CELSR3: variants seen among roughly 807,000 people sequenced by gnomAD.
CELSR3 encodes cadherin EGF LAG seven-pass G-type receptor 3, also known as EGF-like protein 1.
In CELSR3, 73 loss-of-function variants were observed where a neutral mutation model predicts 270.0. That is an observed-to-expected ratio of 0.27 (90% CI 0.22 to 0.33). CELSR3 has a LOEUF of 0.33. CELSR3 is among the 10% of genes least tolerant of loss of function. The pLI, the probability that CELSR3 is intolerant of heterozygous loss-of-function variation, is 1.00. For missense variants in CELSR3, 3,614 were observed against 4,533.8 expected (o/e 0.80, Z 5.83); for synonymous variants, 1,780 against 1,905.4 (o/e 0.93, Z 1.71).
rs114411876 is a variant in CELSR3, at chr3:48,639,709, C to A, written c.9876G>T (p.Thr3292=). The change falls in exon 34 of 35, where the codon ACG becomes ACT. Residue 3292 remains threonine (T), a synonymous_variant. Coordinates refer to ENST00000164024, the MANE Select transcript of CELSR3 (RefSeq NM_001407.3). This position sits in a 1 kb window ranked among gnomAD's most constrained non-coding sequence, Gnocchi z 4.1. ...VLGPSTPRSA[T]SHSISELSPD... ...GCGACAGCTCCGAGATGCTGTGAGA[C>A]GTGGCAGAACGTGGCGTGGAGGGCC... 1 of 1,613,434 alleles carries A rather than the reference C, an allele frequency of 6.2e-7. No homozygotes were observed. Among genetic ancestry groups the A allele is most frequent in the Non-Finnish European group, 8.5e-7 (1 of 1,179,950 alleles).
At position 48,647,849 on chromosome 3, in the gene CELSR3, G is replaced by A; in HGVS notation, c.7121C>T (p.Pro2374Leu). ...CCCCTAGGGGCTCTCACCTTCAGAT[G>A]GGGATGGCCGTGGGGACTGGGAAGG... ...LLPSQSPRPS[P>L]SEVLPTSSSI... is the part of the protein sequence containing the mutation. The change falls in exon 20 of 35, where the codon CCA becomes CTA. Residue 2374 changes from proline to leucine, a missense_variant. Coordinates refer to ENST00000164024, the MANE Select transcript of CELSR3 (RefSeq NM_001407.3). 7.5e-6 allele frequency: 12 copies of A among 1,609,684 alleles called. No individual in the cohort carries two copies. Among genetic ancestry groups the A allele is most frequent in the Non-Finnish European group, 1.0e-5 (12 of 1,179,354 alleles).
At chr3:48,643,885 T>TG (rs1193860422) in intron 27 of CELSR3, 2 of 617,460 alleles carry the variant, frequency 3.2e-6, no homozygotes, top group Non-Finnish European at 2.8e-6. Context: ...TGAGGACACG[T>TG]GGGGAAAACA....
Position 48,639,949 on chromosome 3 carries a change from G to C in CELSR3, c.9636C>G (p.Pro3212=), listed in dbSNP as rs1273363567. The C allele has an allele frequency of 6.2e-7, 1 of 1,612,910 alleles. No individual in the cohort carries two copies. The highest frequency in any genetic ancestry group is 8.5e-7 in the Non-Finnish European group (1 of 1,180,014). The change falls in exon 34 of 35, where the codon CCC becomes CCG. Residue 3212 remains proline, a synonymous_variant. Transcript: ENST00000164024. This position sits in a 1 kb window ranked among gnomAD's most constrained non-coding sequence, Gnocchi z 4.1. The part of the protein sequence containing the change: ...EQLDQVPSRH[P]SREALGPLPQ... ...GGAGTGGCCCAAGGGCTTCTCGTGA[G>C]GGGTGCCGGCTAGGCACCTGGTCCA...
rs1486524762 is a variant in CELSR3 at position 48,661,992 on chromosome 3, C to T, written c.643G>A (p.Gly215Ser). 20 of 1,614,056 alleles carry T rather than the reference C, an allele frequency of 1.2e-5. No homozygotes were observed. Among genetic ancestry groups the T allele is most frequent in the Admixed American group, 1.7e-5 (1 of 60,034 alleles). ...GATGTCGTGGCTCTCTCGCCCTGAC[C>T]CTTGCTCCCTGTTGCCCATAATTCC... Reference protein sequence around the residue: ...CGELWATGSKGQGERATTSGA... With the variant: ...CGELWATGSKSQGERATTSGA... Residue 215 changes from glycine (G) to serine (S), a missense_variant, in exon 1 of 35, where the codon GGT becomes AGT. Physicochemically the swap from Gly to Ser is moderately conservative, Grantham distance 56. Transcript: ENST00000164024.
chr3:48,646,306 C>T lies in CELSR3; in HGVS notation c.7296-49G>A, dbSNP rs555116014. On this transcript the variant is annotated intron_variant, in intron 21 of 34. Coordinates refer to ENST00000164024, the MANE Select transcript of CELSR3 (RefSeq NM_001407.3). This position sits in a 1 kb window ranked among gnomAD's most constrained non-coding sequence, Gnocchi z 4.8. ...TACGCACTGCTGACCTCCCCATGCT[C>T]AGCCTGCTTGCCTCACCCCGTCTTC... 2.1e-5 allele frequency: 33 copies of T among 1,559,960 alleles called. No homozygotes were observed. In the South Asian group the frequency reaches 3.4e-4, roughly 16 times the overall value.
rs748066878 is a variant in CELSR3, at chr3:48,659,794, C to T, written c.2841G>A (p.Val947=). 2 of 1,614,236 alleles carry T rather than the reference C, an allele frequency of 1.2e-6. No individual in the cohort carries two copies. Among genetic ancestry groups the T allele is most frequent in the Non-Finnish European group, 1.7e-6 (2 of 1,180,034 alleles). ...GIPQKADTTY[V]EVMVNDVNDN... Reference sequence around the variant, plus strand: ...CATTCACGTCATTGACCATCACCTCCACATAAGTAGTGTCTGCCTTCTGTG... The same window carrying T: ...CATTCACGTCATTGACCATCACCTCTACATAAGTAGTGTCTGCCTTCTGTG... The change falls in exon 1 of 35, where the codon GTG becomes GTA. Residue 947 remains valine, a synonymous_variant. Coordinates refer to ENST00000164024, the MANE Select transcript of CELSR3 (RefSeq NM_001407.3). This position sits in a 1 kb window ranked among gnomAD's most constrained non-coding sequence, Gnocchi z 8.1.
chr3:48,650,931 C>A lies in CELSR3; in HGVS notation c.6331G>T (p.Asp2111Tyr). 6.2e-7 allele frequency: 1 copy of A among 1,611,456 alleles called. No individual in the cohort carries two copies. The highest frequency in any genetic ancestry group is 8.5e-7 in the Non-Finnish European group (1 of 1,179,816). Residue 2111 changes from aspartate (D) to tyrosine (Y), a missense_variant, in exon 15 of 35, where the codon GAC becomes TAC. Physicochemically the swap from Asp to Tyr is radical, Grantham distance 160. Coordinates refer to ENST00000164024, the MANE Select transcript of CELSR3 (RefSeq NM_001407.3). This position sits in a 1 kb window ranked among gnomAD's most constrained non-coding sequence, Gnocchi z 5.1. ...GALGRQCNSCDSPFAEVTASG... is the reference protein window; with the variant it reads ...GALGRQCNSCYSPFAEVTASG... ...GCTGTCACCTCTGCGAAGGGACTGT[C>A]ACAGCTGTTGCACTGGCGGCCAAGG...
Position 48,651,637 on chromosome 3 carries a change from G to A in CELSR3, c.6005C>T (p.Ala2002Val), listed in dbSNP as rs763852212. Residue 2002 changes from alanine to valine, a missense_variant, in exon 13 of 35, where the codon GCC becomes GTC. This residue lies in a region of CELSR3 where 1,331 missense variants were observed against 1,933.7 expected (regional missense o/e 0.69). Transcript: ENST00000164024. This position sits in a 1 kb window ranked among gnomAD's most constrained non-coding sequence, Gnocchi z 7.4. ...NQGSCRHLPG[A>V]PHGYTCDCVG... ...ACAGTCACAGGTATAGCCATGGGGG[G>A]CTCCTGGCAGGTGCCGGCATGATCC... 6.9e-6 allele frequency: 11 copies of A among 1,591,668 alleles called. No homozygotes were observed. The highest frequency in any genetic ancestry group is 1.1e-5 in the South Asian group (1 of 88,046).
chr3:48,657,354 G>A lies in CELSR3; in HGVS notation c.3749-6C>T, dbSNP rs1412134323. On this transcript the variant is annotated splice_polypyrimidine_tract_variant and splice_region_variant and intron_variant, in intron 1 of 34. Coordinates refer to ENST00000164024, the MANE Select transcript of CELSR3 (RefSeq NM_001407.3). This position sits in a 1 kb window ranked among gnomAD's most constrained non-coding sequence, Gnocchi z 5.4. ...CGTCACGCTGTGCAGGCCATCTGCA[G>A]GCGGGGGCAGGGGCAGTGGTCATCC... 6.3e-7 allele frequency: 1 copy of A among 1,578,696 alleles called. No homozygotes were observed. The highest frequency in any genetic ancestry group is 2.3e-5 in the East Asian group (1 of 43,692).
At position 48,642,216 on chromosome 3, in the gene CELSR3, G is replaced by A. The variant is rs768975822; in HGVS notation, c.8665+142C>T. 1 of 944,546 alleles carries A rather than the reference G, an allele frequency of 1.1e-6. No homozygotes were observed. Among genetic ancestry groups the A allele is most frequent in the African/African-American group, 1.7e-5 (1 of 60,254 alleles). The allele number at this position is 944,546 out of a possible 1,614,324, so 58.5% of individuals were successfully genotyped here. On this transcript the variant is annotated intron_variant, in intron 31 of 34. Coordinates refer to ENST00000164024, the MANE Select transcript of CELSR3 (RefSeq NM_001407.3). This position sits in a 1 kb window ranked among gnomAD's most constrained non-coding sequence, Gnocchi z 6.1. ...GTGGACTGGGAGAACCAGGGCTGGA[G>A]AGGTAGGTGCCTCCTGAGGCAGGGA...
Position 48,653,101 on chromosome 3 carries a change from A to G in CELSR3, c.5535T>C (p.Asp1845=), listed in dbSNP as rs2047152098. 1 of 1,613,374 alleles carries G rather than the reference A, an allele frequency of 6.2e-7. No individual in the cohort carries two copies. The highest frequency in any genetic ancestry group is 8.5e-7 in the Non-Finnish European group (1 of 1,180,010). ...HLLLDQVTVS[D]GRWHDLRLEL... ...CCAGCCGCAGATCGTGCCACCGGCC[A>G]TCACTGACAGTCACCTGGTCCAGAA... The change falls in exon 10 of 35, where the codon GAT becomes GAC. Residue 1845 remains aspartate, a synonymous_variant. Coordinates refer to ENST00000164024, the MANE Select transcript of CELSR3 (RefSeq NM_001407.3). This position sits in a 1 kb window ranked among gnomAD's most constrained non-coding sequence, Gnocchi z 6.5.
In CELSR3 at chr3:48,644,144, G is replaced by A. The variant is rs1486933082; in HGVS notation, c.8165+72C>T. The A allele has an allele frequency of 2.2e-6, 3 of 1,347,102 alleles. No homozygotes were observed. The highest frequency in any genetic ancestry group is 2.3e-5 in the East Asian group (1 of 43,020). The allele number at this position is 1,347,102 out of a possible 1,614,324, so 83.4% of individuals were successfully genotyped here. On this transcript the variant is annotated intron_variant, in intron 27 of 34. Transcript: ENST00000164024. The surrounding 1 kb of genome is among the most constrained non-coding windows in gnomAD (Gnocchi z 4.8). ...GCCCAACCTGCACCAGGGAAGATCT[G>A]GGGGCCCCAGACCCCACCCAGGAGG...
chr3:48,650,256 G>T lies in CELSR3; in HGVS notation c.6472+224C>A. On this transcript the variant is annotated intron_variant, in intron 16 of 34. Coordinates refer to ENST00000164024, the MANE Select transcript of CELSR3 (RefSeq NM_001407.3). The surrounding 1 kb of genome is among the most constrained non-coding windows in gnomAD (Gnocchi z 5.1). ...TAGTGGGAGGGGGCAGTGCACCTGA[G>T]CAAACACGTACCCCTTACCTGCACC... 3.1e-6 allele frequency: 2 copies of T among 653,800 alleles called. No homozygotes were observed. Among genetic ancestry groups the T allele is most frequent in the East Asian group, 3.0e-5 (1 of 33,220 alleles). 40.5% of individuals were successfully genotyped at this position (653,800 alleles called of 1,614,324 possible). A position where few individuals can be genotyped will look rare whatever the true frequency, so the allele number is the denominator to read the frequency against.
rs1485241696 is a variant in CELSR3 at position 48,657,125 on chromosome 3, G to A, written c.3972C>T (p.Thr1324=). The A allele has an allele frequency of 1.2e-6, 2 of 1,613,964 alleles. No homozygotes were observed. The highest frequency in any genetic ancestry group is 8.5e-7 in the Non-Finnish European group (1 of 1,179,962). Residue 1324 remains threonine (T), a synonymous_variant, in exon 2 of 35, where the codon ACC becomes ACT. Transcript: ENST00000164024. The surrounding 1 kb of genome is among the most constrained non-coding windows in gnomAD (Gnocchi z 5.4). ...NIQNDTDVGG[T]VLNVSFSALA... ...GCGCCGAGAAACTCACATTGAGCAC[G>A]GTGCCCCCTACGTCTGTGTCGTTCT... is the stretch of plus-strand genomic sequence containing the variant.
In CELSR3 at chr3:48,659,866, G is replaced by C; in HGVS notation, c.2769C>G (p.Asp923Glu). Reference sequence around the variant, plus strand: ...TGATAGCCAGGGTGTAGGTCACCTGGTCCTCATAGTCTAATGGGGCCTGTA... The same window carrying C: ...TGATAGCCAGGGTGTAGGTCACCTGCTCCTCATAGTCTAATGGGGCCTGTA... ...ITLQAPLDYEDQVTYTLAITA... is the reference protein window; with the variant it reads ...ITLQAPLDYEEQVTYTLAITA... Residue 923 changes from aspartate (D) to glutamate (E), a missense_variant, in exon 1 of 35, where the codon GAC (aspartate) becomes GAG (glutamate). Around this residue, in one of 7 missense-constraint regions of CELSR3, gnomAD observed 1,331 missense variants for 1,933.7 expected, o/e 0.69. Coordinates refer to ENST00000164024, the MANE Select transcript of CELSR3 (RefSeq NM_001407.3). The surrounding 1 kb of genome is among the most constrained non-coding windows in gnomAD (Gnocchi z 8.1). The C allele has an allele frequency of 6.2e-7, 1 of 1,614,174 alleles. No individual in the cohort carries two copies. The highest frequency in any genetic ancestry group is 8.5e-7 in the Non-Finnish European group (1 of 1,180,022).
chr3:48,644,915 G>A lies in CELSR3; in HGVS notation c.7973-87C>T. On this transcript the variant is annotated intron_variant, in intron 25 of 34. Transcript: ENST00000164024. The surrounding 1 kb of genome is among the most constrained non-coding windows in gnomAD (Gnocchi z 4.8). ...ATGGGAGAAAGCATGGGTGAGGGCA[G>A]AGCAGCAACCCCATGAATAGATGGC... The A allele has an allele frequency of 3.3e-6, 5 of 1,517,040 alleles. No homozygotes were observed. Among genetic ancestry groups the A allele is most frequent in the Non-Finnish European group, 3.6e-6 (4 of 1,104,164 alleles). 94.0% of individuals were successfully genotyped at this position (1,517,040 alleles called of 1,614,324 possible).
Position 48,660,894 on chromosome 3 carries a change from G to A in CELSR3, c.1741C>T (p.His581Tyr). The A allele has an allele frequency of 1.2e-6, 2 of 1,613,918 alleles. No individual in the cohort carries two copies. The highest frequency in any genetic ancestry group is 1.7e-6 in the Non-Finnish European group (2 of 1,180,040). The change falls in exon 1 of 35, where the codon CAC becomes TAC. Residue 581 changes from histidine to tyrosine, a missense_variant. Coordinates refer to ENST00000164024, the MANE Select transcript of CELSR3 (RefSeq NM_001407.3). This position sits in a 1 kb window ranked among gnomAD's most constrained non-coding sequence, Gnocchi z 5.5. ...CTATTGCCACTGATGATGTTGTAGT[G>A]CACCAATCCGTTGGCGTCCTTGTCC... is the stretch of plus-strand genomic sequence containing the variant. ...DRDKDANGLV[H>Y]YNIISGNSRG...
rs368981567 is a variant in CELSR3, at chr3:48,645,727, T to C, written c.7590+15A>G. The C allele has an allele frequency of 1.1e-5, 18 of 1,604,778 alleles. No homozygotes were observed. The highest frequency in any genetic ancestry group is 4.0e-5 in the African/African-American group (3 of 74,790). The stretch of plus-strand genomic sequence containing the variant: ...TTGACCCCCCACTTCCTTGGGACAC[T>C]GAACACAGCCCCACCTCACGGGGAG... On this transcript the variant is annotated intron_variant, in intron 23 of 34. Coordinates refer to ENST00000164024, the MANE Select transcript of CELSR3 (RefSeq NM_001407.3). This position sits in a 1 kb window ranked among gnomAD's most constrained non-coding sequence, Gnocchi z 5.4.
Position 48,642,501 on chromosome 3 carries a change from G to C in CELSR3, c.8556-34C>G. 6.3e-7 allele frequency: 1 copy of C among 1,594,994 alleles called. No homozygotes were observed. The highest frequency in any genetic ancestry group is 8.6e-7 in the Non-Finnish European group (1 of 1,168,872). ...GCAGGAGCCCCCCCACCATGAAAGA[G>C]GGATGTGATGGGGTGCCTTGGAGGC... On this transcript the variant is annotated intron_variant, in intron 30 of 34. Transcript: ENST00000164024. This position sits in a 1 kb window ranked among gnomAD's most constrained non-coding sequence, Gnocchi z 6.1.
Sources: gnomAD v4.1 joint callset for allele counts on GRCh38, gnomAD v4.1.1 for gene constraint, gnomAD v4.1.1 regional missense constraint, Gnocchi (gnomAD v3.1) non-coding constraint, MANE v1.5 for transcripts, NCBI Gene and HGNC (gene_info 2026-07-23, HGNC 2026-07-21) for gene names.